IL32: variants seen among roughly 807,000 people sequenced by gnomAD.
IL32 encodes interleukin 32, also known as interleukin-32.
Under a neutral mutation model 16.6 loss-of-function variants are expected in IL32, and 30 were observed. The ratio of observed to expected loss-of-function variants is 1.81; its 90% CI spans 1.35 to 2.45. IL32 has a LOEUF of 2.45. IL32 is among the 30% of genes most tolerant of loss of function. The probability of loss-of-function intolerance (pLI) is 0.00; values close to 1 mark genes in which losing one functional copy is unlikely to be tolerated. For missense variants in IL32, 234 were observed against 229.8 expected, an observed-to-expected ratio of 1.02 and a Z score of -0.12; for synonymous variants, 70 against 86.1, an observed-to-expected ratio of 0.81 and a Z score of 1.03.
chr16:3,069,499 C>T lies in IL32; in HGVS notation c.*144C>T. On this transcript the variant is annotated 3_prime_UTR_variant, in exon 7 of 7. Coordinates refer to ENST00000525643, the MANE Select transcript of IL32 (RefSeq NM_001376923.1). ...GCAGCTCTGACCTGGTGCTGTCGCC[C>T]TGGCATCTTAATAAAACCTGCTTAT... 1 of 1,053,512 alleles carries T rather than the reference C, an allele frequency of 9.5e-7. No individual in the cohort carries two copies. The highest frequency in any genetic ancestry group is 1.4e-6 in the Non-Finnish European group (1 of 732,300). The allele number at this position is 1,053,512 out of a possible 1,614,324, so 65.3% of individuals were successfully genotyped here. A position where few individuals can be genotyped will look rare whatever the true frequency, so the allele number is the denominator to read the frequency against.
chr16:3,067,874 G>A (rs1956580287), intron 4 of IL32, 110 bp from the exon 5 acceptor site: 4 of 1,329,058 alleles, frequency 3.0e-6, no homozygotes, highest in Non-Finnish European at 4.3e-6. Flanking sequence ...GCCCCTGGCT[G>A]GGCCCAGTTC....
intron 2 of IL32, among the ~76,000 whole-genome samples, chr16:3,066,690 G>C (rs891812116): frequency 6.6e-6 from 1 of 152,184 alleles, no homozygotes. Flanking sequence ...AGGTTGTAGG[G>C]TGGACCTACC....
intron 6 of IL32, chr16:3,068,531 T>C: frequency 4.3e-6 from 2 of 464,716 alleles, no homozygotes; most frequent in South Asian, 4.3e-5. Flanking sequence ...CAGGCTGGTC[T>C]TGAACTCCTA....
At position 3,066,975 on chromosome 16, in the gene IL32, G is replaced by A. The variant is rs1415238068; in HGVS notation, c.16-402G>A. On this transcript the variant is annotated intron_variant, in intron 2 of 6. Transcript: ENST00000525643. ...AGGCCCACGCAGGCCCTGCTCTTGT[G>A]AGGAGGGGTCACCTAGGCCCACGCA... 1.3e-4 allele frequency among the ~76,000 whole-genome samples: 14 copies of A among 110,554 alleles called. No homozygotes were observed. The South Asian group carries it at 5.3e-3, about 41-fold the overall frequency. The allele number at this position is 110,554 out of a possible 152,430, so 72.5% of individuals were successfully genotyped here.
chr16:3,069,363 G>A lies in IL32; in HGVS notation c.*8G>A, dbSNP rs967102447. 7 of 1,573,942 alleles carry A rather than the reference G, an allele frequency of 4.4e-6. No homozygotes were observed. The highest frequency in any genetic ancestry group is 6.0e-6 in the Non-Finnish European group (7 of 1,159,692). ...CCCCAATCCTCAAAATGAAGATACT[G>A]ACACCACCTTTGCCCTCCCCGTCAC... On this transcript the variant is annotated 3_prime_UTR_variant, in exon 7 of 7. Coordinates refer to ENST00000525643, the MANE Select transcript of IL32 (RefSeq NM_001376923.1).
intron 2 of IL32, among the ~76,000 whole-genome samples, 187 bp from the exon 3 acceptor site, chr16:3,067,190 C>G (rs1956437697): frequency 6.6e-6 from 1 of 152,016 alleles, no homozygotes. Context: ...GTTTCGAGGA[C>G]AGCCCTGGCC....
At chr16:3,066,907 C>G (rs979610803) in intron 2 of IL32, among the ~76,000 whole-genome samples, 1 of 151,268 alleles carries the variant, frequency 6.6e-6, no homozygotes, top group Admixed American at 6.6e-5. Flanking sequence ...AGGGAGGACA[C>G]CCCGGCCCAC....
chr16:3,068,912 C>G, intron 6 of IL32, 78 bp from the exon 7 acceptor site: 1 of 1,596,720 alleles, frequency 6.3e-7, no homozygotes, highest in Non-Finnish European at 8.5e-7. Context: ...CAGGAAAAGG[C>G]TGAGAGGCCT....
intron 2 of IL32, among the ~76,000 whole-genome samples, chr16:3,066,075 A>G (rs998918294): frequency 8.5e-5 from 13 of 152,146 alleles, no homozygotes; most frequent in Admixed American, 7.2e-4. Flanking sequence ...CACAGCCCGG[A>G]AAGCCCGGGG....
At chr16:3,066,711 A>C (rs1956349822) in intron 2 of IL32, among the ~76,000 whole-genome samples, 1 of 152,150 alleles carries the variant, frequency 6.6e-6, no homozygotes, top group Non-Finnish European at 1.5e-5. Context: ...TGGCACCCCA[A>C]ATATTAATCA....
chr16:3,067,263 A>G, intron 2 of IL32, 114 bp from the exon 3 acceptor site: 1 of 475,076 alleles, frequency 2.1e-6, no homozygotes, highest in South Asian at 3.1e-5. Context: ...TACCTCTGCC[A>G]TGTGTCTCTG....
chr16:3,067,279 G>GTGTGTGTGTCTC, intron 2 of IL32, 98 bp from the exon 3 acceptor site: 3 of 422,740 alleles, frequency 7.1e-6, no homozygotes, highest in South Asian at 7.0e-5. Context: ...CTCTGTGTGT[G>GTGTGTGTGTCTC]TGTGTGTGTG....
chr16:3,066,157 G>A (rs1294297260), intron 2 of IL32, among the ~76,000 whole-genome samples: 1 of 152,210 alleles, frequency 6.6e-6, no homozygotes, highest in Non-Finnish European at 1.5e-5. Flanking sequence ...CAGCTGGGTG[G>A]GCCCAAGAGC....
At chr16:3,066,133 C>G (rs1323329658) in intron 2 of IL32, among the ~76,000 whole-genome samples, 1 of 152,180 alleles carries the variant, frequency 6.6e-6, no homozygotes, top group African/African-American at 2.4e-5. Context: ...GAATGCTTCT[C>G]TCAGAGGCCG....
chr16:3,068,870 A>C, intron 6 of IL32, 120 bp from the exon 7 acceptor site: 2 of 1,506,584 alleles, frequency 1.3e-6, no homozygotes, highest in Non-Finnish European at 1.8e-6. Flanking sequence ...TGGTTGGGAA[A>C]CCAACACCTG....
intron 4 of IL32, 169 bp downstream of exon 4, chr16:3,067,782 C>A: frequency 1.2e-6 from 1 of 810,118 alleles, no homozygotes; most frequent in South Asian, 1.6e-5. Context: ...GGTGGGGGAT[C>A]TGGACGCCCG....
In IL32 at chr16:3,067,271, CTGT is replaced by C. The variant is rs1287571425; in HGVS notation, c.16-105_16-103del. The C allele has an allele frequency of 1.4e-4, 83 of 603,652 alleles. No individual in the cohort carries two copies. In the East Asian group the frequency reaches 1.9e-3, roughly 14 times the overall value. 37.4% of individuals were successfully genotyped at this position (603,652 alleles called of 1,614,324 possible). On this transcript the variant is annotated intron_variant, in intron 2 of 6. Coordinates refer to ENST00000525643, the MANE Select transcript of IL32 (RefSeq NM_001376923.1). ...TATCCTGTACCTCTGCCATGTGTCTCTGTGTGTGTGTGTGTGTGTGTGTGTGTG... is the reference window on the plus strand; with the variant it reads ...TATCCTGTACCTCTGCCATGTGTCTCGTGTGTGTGTGTGTGTGTGTGTGTG...
intron 3 of IL32, 24 bp from the exon 4 acceptor site, chr16:3,067,530 T>G: frequency 6.2e-7 from 1 of 1,614,000 alleles, no homozygotes; most frequent in Non-Finnish European, 8.5e-7. Flanking sequence ...GGCCCTTTGG[T>G]GCCAACTCTG....
At position 3,066,950 on chromosome 16, in the gene IL32, A is replaced by C. The variant is rs554992115; in HGVS notation, c.16-427A>C. Among the ~76,000 whole-genome samples the C allele has an allele frequency of 9.1e-5, 13 of 142,206 alleles. No individual in the cohort carries two copies. In the East Asian group the frequency reaches 1.3e-3, roughly 15 times the overall value. The allele number at this position is 142,206 out of a possible 152,430, so 93.3% of individuals were successfully genotyped here. ...CTGCTCTTGTGAGGAGGGGTCACCTAGGCCCACGCAGGCCCTGCTCTTGTG... is the reference window on the plus strand; with the variant it reads ...CTGCTCTTGTGAGGAGGGGTCACCTCGGCCCACGCAGGCCCTGCTCTTGTG... On this transcript the variant is annotated intron_variant, in intron 2 of 6. Coordinates refer to ENST00000525643, the MANE Select transcript of IL32 (RefSeq NM_001376923.1).
Sources: allele counts gnomAD v4.1 joint callset (sites outside exome capture counted in the v4.1 genomes callset), GRCh38; gene constraint gnomAD v4.1.1; transcripts MANE v1.5; gene names NCBI Gene and HGNC (gene_info 2026-07-23, HGNC 2026-07-21).